Variants in PCSK5 observed in about 807,000 individuals in gnomAD.
PCSK5 encodes the protein prohormone convertase 5.
Under a neutral mutation model 233.2 loss-of-function variants are expected in PCSK5, and 129 were observed. That is an observed-to-expected ratio of 0.55 (90% CI 0.48 to 0.64). The LOEUF is 0.64. Among genes scored for constraint, PCSK5 ranks in the 30% least tolerant of loss-of-function variants. The probability of loss-of-function intolerance (pLI) is 0.00; values close to 1 mark genes in which losing one functional copy is unlikely to be tolerated. For synonymous variants in PCSK5, 825 were observed against 879.2 expected (o/e 0.94, Z 1.09); for missense variants, 2,076 against 2,430.1 (o/e 0.85, Z 3.06).
chr9:75,931,542 T>A (rs2131280232), intron 1 of PCSK5, among the ~76,000 whole-genome samples: 1 of 152,302 alleles, frequency 6.6e-6, no homozygotes, highest in East Asian at 1.9e-4. Flanking sequence ...AGCTCTTCTG[T>A]CTTCAATGCA....
chr9:76,328,166 T>TG lies in PCSK5; in HGVS notation c.4498dup (p.Val1500GlyfsTer2). ...ATGCTCCCGGGTGCAAGCCCTGCCA[T>TG]GTTAAGTGCTTCCACTGCATGGGGC... On this transcript the variant is annotated frameshift_variant, in exon 33 of 38. Transcript: ENST00000674117. LOFTEE classifies it high-confidence loss of function. 1 of 1,612,838 alleles carries TG rather than the reference T, an allele frequency of 6.2e-7. No individual in the cohort carries two copies. Among genetic ancestry groups the TG allele is most frequent in the Non-Finnish European group, 8.5e-7 (1 of 1,179,854 alleles).
chr9:76,222,536 C>G (rs1010806281), intron 20 of PCSK5, among the ~76,000 whole-genome samples: 13 of 152,148 alleles, frequency 8.5e-5, no homozygotes, highest in African/African-American at 3.1e-4. Context: ...AACTACAATT[C>G]TACTTTGTCT....
chr9:76,268,374 G>GT (rs370821743), intron 24 of PCSK5, among the ~76,000 whole-genome samples: 42 of 152,114 alleles, frequency 2.8e-4, no homozygotes, highest in African/African-American at 9.7e-4. Flanking sequence ...AACACCAAGT[G>GT]TTTTTTTAAA....
intron 20 of PCSK5, among the ~76,000 whole-genome samples, chr9:76,214,247 G>T (rs1159899229): frequency 6.6e-6 from 1 of 151,980 alleles, no homozygotes; most frequent in Non-Finnish European, 1.5e-5. Flanking sequence ...CAGATTACAT[G>T]ATTGAGGAGT....
chr9:76,361,113 G>A lies in PCSK5; in HGVS notation c.*2191G>A, dbSNP rs1332907151. 6.6e-6 allele frequency: 1 copy of A among 152,134 alleles called. No homozygotes were observed. The highest frequency in any genetic ancestry group is 1.5e-5 in the Non-Finnish European group (1 of 68,026). The allele number at this position is 152,134 out of a possible 1,614,324, so 9.4% of individuals were successfully genotyped here. A position where few individuals can be genotyped will look rare whatever the true frequency, so the allele number is the denominator to read the frequency against. Reference sequence around the variant, plus strand: ...TAATCCTAGCACTTTGGGAGACTGAGGCAGGCAGATCACCTGAAGTCAGGA... The same window carrying A: ...TAATCCTAGCACTTTGGGAGACTGAAGCAGGCAGATCACCTGAAGTCAGGA... On this transcript the variant is annotated 3_prime_UTR_variant, in exon 38 of 38. Coordinates refer to ENST00000674117, the MANE Select transcript of PCSK5 (RefSeq NM_001372043.1).
intron 29 of PCSK5, among the ~76,000 whole-genome samples, chr9:76,310,448 G>A (rs1202232314): frequency 6.6e-6 from 1 of 152,140 alleles, no homozygotes; most frequent in Non-Finnish European, 1.5e-5. Context: ...TGTAGGATAG[G>A]AAAGAAACAG....
intron 3 of PCSK5, among the ~76,000 whole-genome samples, chr9:75,997,073 A>G (rs1827052969): frequency 6.6e-6 from 1 of 152,180 alleles, no homozygotes. Flanking sequence ...CTCTCTGCCA[A>G]TAACTAGGGT....
chr9:75,963,544 T>C (rs1293247018), intron 2 of PCSK5, among the ~76,000 whole-genome samples: 1 of 152,144 alleles, frequency 6.6e-6, no homozygotes, highest in East Asian at 1.9e-4. Context: ...CTGGGGGTAG[T>C]GTTAGAGCAT....
At chr9:76,248,765 A>G (rs1321514720) in intron 24 of PCSK5, among the ~76,000 whole-genome samples, 2 of 152,110 alleles carry the variant, frequency 1.3e-5, no homozygotes, top group African/African-American at 4.8e-5. Flanking sequence ...CAAGTAGATA[A>G]TATCACCTCA....
intron 3 of PCSK5, among the ~76,000 whole-genome samples, chr9:76,001,013 G>A (rs945331513): frequency 1.3e-5 from 2 of 151,910 alleles, no homozygotes; most frequent in Non-Finnish European, 2.9e-5. Flanking sequence ...AGTGAGCAGA[G>A]TTGAGCAATG....
chr9:76,219,710 T>G (rs575521773), intron 20 of PCSK5, among the ~76,000 whole-genome samples: 1 of 152,212 alleles, frequency 6.6e-6, no homozygotes, highest in Non-Finnish European at 1.5e-5. Context: ...TCCCCTCTCC[T>G]GCTGCGGGCT....
intron 8 of PCSK5, among the ~76,000 whole-genome samples, chr9:76,100,510 GC>G (rs1458052222): frequency 4.6e-5 from 7 of 152,134 alleles, no homozygotes; most frequent in Non-Finnish European, 1.0e-4. Context: ...GAGAAGTTAA[GC>G]AAACAAAAAC....
At chr9:76,289,471 A>C (rs1413737221) in intron 24 of PCSK5, among the ~76,000 whole-genome samples, 1 of 40,756 alleles carries the variant, frequency 2.5e-5, no homozygotes, top group South Asian at 5.8e-4. Flanking sequence ...TCCCCTCACC[A>C]CACACACACA....
intron 24 of PCSK5, among the ~76,000 whole-genome samples, chr9:76,279,113 C>A (rs1052685113): frequency 7.4e-5 from 10 of 135,832 alleles, no homozygotes; most frequent in Non-Finnish European, 1.4e-4. Flanking sequence ...CTTCCTGTGT[C>A]CATGTGATCT....
chr9:76,032,202 G>C (rs1828679617), intron 5 of PCSK5, among the ~76,000 whole-genome samples: 1 of 152,156 alleles, frequency 6.6e-6, no homozygotes, highest in Admixed American at 6.5e-5. Context: ...TGAACAATCA[G>C]ACCAGTAGGC....
intron 1 of PCSK5, among the ~76,000 whole-genome samples, chr9:75,922,887 C>A (rs1019073297): frequency 6.6e-6 from 1 of 152,142 alleles, no homozygotes; most frequent in African/African-American, 2.4e-5. Context: ...CTGTTTCTTA[C>A]CCGCTCAGGA....
At chr9:76,346,402 T>A (rs1829982351) in intron 35 of PCSK5, among the ~76,000 whole-genome samples, 2 of 152,150 alleles carry the variant, frequency 1.3e-5, no homozygotes, top group African/African-American at 4.8e-5. Flanking sequence ...CCACATAGTA[T>A]CCTTGAGAAT....
At chr9:76,191,258 G>A (rs188530840) in intron 20 of PCSK5, among the ~76,000 whole-genome samples, 29 of 152,240 alleles carry the variant, frequency 1.9e-4, no homozygotes, top group Non-Finnish European at 3.2e-4. Context: ...CATGATCGCT[G>A]CCCTAGGTTT....
chr9:75,896,295 G>A (rs1044574413), intron 1 of PCSK5, among the ~76,000 whole-genome samples: 14 of 152,284 alleles, frequency 9.2e-5, no homozygotes, highest in Middle Eastern at 3.4e-3. Flanking sequence ...TGGGGATTTC[G>A]GGGTCTATTT....
Sources: gnomAD v4.1 joint callset for allele counts (sites outside exome capture counted in the v4.1 genomes callset) on GRCh38, gnomAD v4.1.1 for gene constraint, MANE v1.5 for transcripts, NCBI Gene and HGNC (gene_info 2026-07-23, HGNC 2026-07-21) for gene names.